The following PCSK5 variants were observed in gnomAD, a reference collection of about 807,000 sequenced individuals.
The protein encoded by PCSK5 is prohormone convertase 5.
A neutral mutation model predicts 233.2 loss-of-function variants in PCSK5; 129 were observed. That is an observed-to-expected ratio of 0.55 (90% CI 0.48 to 0.64). PCSK5 has a LOEUF of 0.64. Among genes scored for constraint, PCSK5 ranks in the 30% least tolerant of loss-of-function variants. The pLI, the probability that PCSK5 is intolerant of heterozygous loss-of-function variation, is 0.00. For missense variants in PCSK5, 2,076 were observed against 2,430.1 expected (o/e 0.85, Z 3.06); for synonymous variants, 825 against 879.2 (o/e 0.94, Z 1.09).
At chr9:76,335,779 G>A (rs966850167) in intron 34 of PCSK5, among the ~76,000 whole-genome samples, 2 of 152,032 alleles carry the variant, frequency 1.3e-5, no homozygotes, top group Non-Finnish European at 2.9e-5. Flanking sequence ...AAAAACTTTT[G>A]TATGCTGCTT....
chr9:76,044,906 T>G (rs182650931), intron 5 of PCSK5, among the ~76,000 whole-genome samples: 16 of 152,340 alleles, frequency 1.1e-4, no homozygotes, highest in Non-Finnish European at 2.4e-4. Context: ...TAATAATTGG[T>G]CATTTAAATA....
intron 8 of PCSK5, among the ~76,000 whole-genome samples, chr9:76,105,488 T>A (rs993883295): frequency 6.6e-6 from 1 of 152,226 alleles, no homozygotes; most frequent in East Asian, 1.9e-4. Flanking sequence ...AACATTGTAC[T>A]GTACGCATAA....
chr9:76,181,544 C>G lies in PCSK5; in HGVS notation c.2150C>G (p.Thr717Ser), dbSNP rs557267666. 2.5e-6 allele frequency: 4 copies of G among 1,613,778 alleles called. No individual in the cohort carries two copies. Among genetic ancestry groups the G allele is most frequent in the Non-Finnish European group, 3.4e-6 (4 of 1,179,864 alleles). Reference protein sequence around the residue: ...CKYGYFLNEETNSCVTHCPDG... With the variant: ...CKYGYFLNEESNSCVTHCPDG... ...TATGGATACTTTCTGAATGAAGAAA[C>G]CAACAGCTGTGTTACTCACTGCCCT... Residue 717 changes from threonine (T) to serine (S), a missense_variant, in exon 16 of 38, where the codon ACC becomes AGC. By Grantham distance (58) the Thr-to-Ser change is moderately conservative. Transcript: ENST00000674117.
rs146971042 is a variant in PCSK5, at chr9:76,231,043, C to T, written c.2730-2417C>T. Among the ~76,000 whole-genome samples the T allele has an allele frequency of 4.1e-3, 619 of 152,152 alleles. 4 individuals are homozygous for T. The highest frequency in any genetic ancestry group is 0.013 in the African/African-American group (549 of 41,512). Reference sequence around the variant, plus strand: ...TGGTCTGTACTAGATTGTTCTCATGCTGCTATGAAGAAATACTCGAGACTG... The same window carrying T: ...TGGTCTGTACTAGATTGTTCTCATGTTGCTATGAAGAAATACTCGAGACTG... On this transcript the variant is annotated intron_variant, in intron 21 of 37. Coordinates refer to ENST00000674117, the MANE Select transcript of PCSK5 (RefSeq NM_001372043.1).
At chr9:76,115,427 AGAGT>A (rs1196157420) in intron 9 of PCSK5, among the ~76,000 whole-genome samples, 1 of 152,166 alleles carries the variant, frequency 6.6e-6, no homozygotes, top group Non-Finnish European at 1.5e-5. Context: ...TAATTTAAAC[AGAGT>A]GTTAGCAAAT....
intron 24 of PCSK5, chr9:76,287,833 G>A: frequency 4.7e-6 from 1 of 213,810 alleles, no homozygotes; most frequent in Non-Finnish European, 1.0e-5. Flanking sequence ...CTAAGAGGCA[G>A]GTCTGACAGA....
intron 29 of PCSK5, among the ~76,000 whole-genome samples, chr9:76,309,701 A>C (rs1441363486): frequency 6.6e-6 from 1 of 152,122 alleles, no homozygotes; most frequent in Non-Finnish European, 1.5e-5. Context: ...GAATGTTTAC[A>C]TGTTTCCATG....
At chr9:76,216,482 T>G (rs1825537367) in intron 20 of PCSK5, among the ~76,000 whole-genome samples, 1 of 152,116 alleles carries the variant, frequency 6.6e-6, no homozygotes, top group Non-Finnish European at 1.5e-5. Flanking sequence ...TGAAGATCAG[T>G]GAGTGTCACA....
intron 2 of PCSK5, among the ~76,000 whole-genome samples, chr9:75,959,819 C>T (rs1825263641): frequency 6.6e-6 from 1 of 152,202 alleles, no homozygotes; most frequent in Admixed American, 6.5e-5. Context: ...CAACACTGTG[C>T]TTAGTGCAGG....
intron 20 of PCSK5, chr9:76,205,161 T>C (rs1025089665): frequency 3.9e-6 from 2 of 518,870 alleles, no homozygotes; most frequent in African/African-American, 1.9e-5. Context: ...CACCAAAATA[T>C]ATAAACCTCA....
At chr9:76,235,821 T>G (rs1043816013) in intron 22 of PCSK5, among the ~76,000 whole-genome samples, 19 of 152,172 alleles carry the variant, frequency 1.2e-4, no homozygotes, top group Admixed American at 1.0e-3. Context: ...GTGATGTCCT[T>G]AAGAAGCATT....
At chr9:76,021,333 CAGAGAG>C (rs374079156) in intron 3 of PCSK5, among the ~76,000 whole-genome samples, 1 of 149,364 alleles carries the variant, frequency 6.7e-6, no homozygotes, top group Non-Finnish European at 1.5e-5. Flanking sequence ...GGGAGAGACA[CAGAGAG>C]AGAGAGAAAG....
chr9:75,977,565 G>A (rs1826079322), intron 2 of PCSK5, among the ~76,000 whole-genome samples: 1 of 149,224 alleles, frequency 6.7e-6, no homozygotes, highest in South Asian at 2.2e-4. Flanking sequence ...GACAGGTAAG[G>A]TGGAGGAAAT....
intron 9 of PCSK5, among the ~76,000 whole-genome samples, chr9:76,119,429 C>T (rs1832550965): frequency 6.6e-6 from 1 of 151,864 alleles, no homozygotes; most frequent in Admixed American, 6.6e-5. Flanking sequence ...TCTTTTTGTA[C>T]CTCCTAGAGA....
chr9:76,103,655 C>T (rs944476875), intron 8 of PCSK5, among the ~76,000 whole-genome samples: 1 of 152,154 alleles, frequency 6.6e-6, no homozygotes, highest in Non-Finnish European at 1.5e-5. Flanking sequence ...TGATGACATC[C>T]CTAACATAGT....
Position 76,175,058 on chromosome 9 carries a change from C to T in PCSK5, c.1829C>T (p.Pro610Leu), listed in dbSNP as rs1277845846. The T allele has an allele frequency of 6.8e-6, 11 of 1,613,908 alleles. No individual in the cohort carries two copies. Among genetic ancestry groups the T allele is most frequent in the East Asian group, 4.5e-5 (2 of 44,890 alleles). The change falls in exon 14 of 38, where the codon CCG becomes CTG. Residue 610 changes from proline to leucine, a missense_variant. Transcript: ENST00000674117. ...CCATATTCACCAACCAATGAATTTC[C>T]GAAAGTGGAACGGTTCCGCTATAGC... ...VQPYSPTNEFPKVERFRYSRV... is the reference protein window; with the variant it reads ...VQPYSPTNEFLKVERFRYSRV...
chr9:75,892,379 T>C (rs1825646529), intron 1 of PCSK5, among the ~76,000 whole-genome samples: 1 of 152,172 alleles, frequency 6.6e-6, no homozygotes, highest in South Asian at 2.1e-4. Flanking sequence ...GCTATGAAAG[T>C]GGGTCCCAGA....
intron 15 of PCSK5, among the ~76,000 whole-genome samples, chr9:76,180,717 T>G (rs1823826975): frequency 6.6e-6 from 1 of 152,122 alleles, no homozygotes; most frequent in South Asian, 2.1e-4. Context: ...TGTTAAGAAT[T>G]CCTGCTGTAA....
chr9:76,022,385 C>T (rs1461357983), intron 3 of PCSK5, among the ~76,000 whole-genome samples: 3 of 152,136 alleles, frequency 2.0e-5, no homozygotes, highest in African/African-American at 7.2e-5. Context: ...AGTGAAGTCT[C>T]CATTGTATTT....
Sources: gnomAD v4.1 joint callset for allele counts (sites outside exome capture counted in the v4.1 genomes callset) on GRCh38, gnomAD v4.1.1 for gene constraint, MANE v1.5 for transcripts, NCBI Gene and HGNC (gene_info 2026-07-23, HGNC 2026-07-21) for gene names.